The following ATP13A4 variants were observed in gnomAD, a reference collection of about 807,000 sequenced individuals.
ATP13A4 encodes the protein probable cation-transporting ATPase 13A4.
In ATP13A4, 114 loss-of-function variants were observed where a neutral mutation model predicts 142.5. That is an observed-to-expected ratio of 0.80 (90% CI 0.69 to 0.93). The LOEUF is 0.93. ATP13A4 is among the 40% of genes least tolerant of loss of function. ATP13A4 has a pLI of 0.00. For synonymous variants in ATP13A4, 488 were observed against 514.8 expected (o/e 0.95, Z 0.70); for missense variants, 1,392 against 1,454.0 (o/e 0.96, Z 0.69).
At chr3:193,556,482 C>CGT (rs963598450), upstream of ATP13A4, among the ~76,000 whole-genome samples, 20 of 145,732 alleles carry the variant, frequency 1.4e-4, no homozygotes, top group East Asian at 1.9e-3. Context: ...TATATATGTA[C>CGT]GTGTGTGTGT....
intron 7 of ATP13A4, among the ~76,000 whole-genome samples, chr3:193,486,815 C>T (rs1301186207): frequency 2.6e-5 from 4 of 152,024 alleles, no homozygotes; most frequent in Non-Finnish European, 5.9e-5. Context: ...ATCTTTTATG[C>T]ACTTACATGA....
chr3:193,573,299 A>ATATATATGTG (rs1560287348), intron 2 of ATP13A4, among the ~76,000 whole-genome samples: 52 of 78,584 alleles, frequency 6.6e-4, no homozygotes, highest in East Asian at 2.5e-3. Flanking sequence ...ACACATATAT[A>ATATATATGTG]TATATATACA....
At chr3:193,586,360 T>A (rs889048762) in intron 1 of ATP13A4, among the ~76,000 whole-genome samples, 5 of 152,204 alleles carry the variant, frequency 3.3e-5, no homozygotes, top group East Asian at 3.8e-4. Flanking sequence ...AATGATTTTT[T>A]AAAAATTTTA....
chr3:193,489,013 G>A (rs1719795721), intron 7 of ATP13A4, among the ~76,000 whole-genome samples: 1 of 152,148 alleles, frequency 6.6e-6, no homozygotes, highest in South Asian at 2.1e-4. Context: ...GGAAAGTGGG[G>A]AGTTGGGCAA....
intron 2 of ATP13A4, among the ~76,000 whole-genome samples, chr3:193,573,264 TATATATATATAC>T (rs1724310197): frequency 1.8e-5 from 2 of 108,458 alleles, no homozygotes; most frequent in Admixed American, 8.7e-5. Flanking sequence ...CACAGCCATA[TATATATATATAC>T]ATATATATAT....
At position 193,442,399 on chromosome 3, in the gene ATP13A4, C is replaced by T. The variant is rs1254595804; in HGVS notation, c.2310G>A (p.Gly770=). ...LVEEKKHIMY[G]NQDNYINIRD... The stretch of plus-strand genomic sequence containing the variant: ...GGTCTGTGTTCAGGAGTACCTGATT[C>T]CCATACATAATGTGTTTCTTCTCTT... The change falls in exon 19 of 30, where the codon GGG becomes GGA. Residue 770 remains glycine (G), a synonymous_variant. Transcript: ENST00000342695. The T allele has an allele frequency of 6.2e-7, 1 of 1,613,740 alleles. No homozygotes were observed. Among genetic ancestry groups the T allele is most frequent in the South Asian group, 1.1e-5 (1 of 91,052 alleles).
chr3:193,465,378 G>A (rs796507707), intron 11 of ATP13A4, among the ~76,000 whole-genome samples: 9 of 152,272 alleles, frequency 5.9e-5, no homozygotes, highest in African/African-American at 2.2e-4. Flanking sequence ...AGTAGAGACG[G>A]GGTTTTGCCA....
At chr3:193,448,528 G>A (rs2108628928) in intron 17 of ATP13A4, among the ~76,000 whole-genome samples, 198 bp from the exon 18 acceptor site, 1 of 152,236 alleles carries the variant, frequency 6.6e-6, no homozygotes, top group African/African-American at 2.4e-5. Flanking sequence ...TAGATACGGG[G>A]TTTCACCATG....
chr3:193,503,075 T>C (rs894567487), intron 2 of ATP13A4, among the ~76,000 whole-genome samples: 2 of 151,980 alleles, frequency 1.3e-5, no homozygotes, highest in African/African-American at 4.8e-5. Flanking sequence ...TCCAAAAAAA[T>C]GTTAAGTGTC....
intron 2 of ATP13A4, among the ~76,000 whole-genome samples, chr3:193,509,156 TC>T (rs1394285692): frequency 6.6e-6 from 1 of 152,156 alleles, no homozygotes; most frequent in African/African-American, 2.4e-5. Context: ...TGCATCACTC[TC>T]CATGTGCCTG....
intron 1 of ATP13A4, among the ~76,000 whole-genome samples, chr3:193,584,888 A>G: frequency 6.6e-6 from 1 of 152,222 alleles, no homozygotes; most frequent in East Asian, 1.9e-4. Context: ...TGACAAATGG[A>G]TGTGTTCATG....
intron 17 of ATP13A4, among the ~76,000 whole-genome samples, chr3:193,450,513 G>A (rs1266157854): frequency 6.6e-6 from 1 of 152,172 alleles, no homozygotes; most frequent in Non-Finnish European, 1.5e-5. Context: ...GTCCAAATCC[G>A]AGTCCCATGG....
intron 17 of ATP13A4, among the ~76,000 whole-genome samples, chr3:193,452,587 T>TTTTA: frequency 6.7e-6 from 1 of 150,214 alleles, no homozygotes; most frequent in Non-Finnish European, 1.5e-5. Context: ...TTTTTTTTTT[T>TTTTA]TTGCATCTAT....
rs1375729197 is a variant in ATP13A4 at position 193,399,807 on chromosome 3, C to T, written c.*2845G>A. ...CTGGCAGTGAGCCGAGATTGTGCCA[C>T]TGCACTCTAGCCTGGGCAACAGAGT... On this transcript the variant is annotated 3_prime_UTR_variant, in exon 30 of 30. Coordinates refer to ENST00000342695, the MANE Select transcript of ATP13A4 (RefSeq NM_032279.4). Among the ~76,000 whole-genome samples the T allele has an allele frequency of 1.4e-5, 2 of 140,400 alleles. No individual in the cohort carries two copies. Among genetic ancestry groups the T allele is most frequent in the African/African-American group, 5.4e-5 (2 of 36,990 alleles). The allele number at this position is 140,400 out of a possible 152,430, so 92.1% of individuals were successfully genotyped here.
chr3:193,467,622 G>A, intron 9 of ATP13A4, 136 bp from the exon 10 acceptor site: 2 of 841,774 alleles, frequency 2.4e-6, no homozygotes, highest in Non-Finnish European at 4.0e-6. Flanking sequence ...AGGTATTGGG[G>A]ATACAAGCAT....
intron 17 of ATP13A4, among the ~76,000 whole-genome samples, chr3:193,449,857 T>C (rs965819307): frequency 6.6e-6 from 1 of 152,108 alleles, no homozygotes; most frequent in African/African-American, 2.4e-5. Flanking sequence ...TGGTGGCTCA[T>C]GCCTGTAATC....
rs1714297130 is a variant in ATP13A4, at chr3:193,402,448, A to C, written c.*204T>G. On this transcript the variant is annotated 3_prime_UTR_variant, in exon 30 of 30. Coordinates refer to ENST00000342695, the MANE Select transcript of ATP13A4 (RefSeq NM_032279.4). ...ACTGAATGCCTCTAATACCTTCAGA[A>C]GCCAAGAGGAAAGCACTCTTCTGGG... The C allele has an allele frequency of 1.8e-6, 1 of 558,096 alleles. No homozygotes were observed. Among genetic ancestry groups the C allele is most frequent in the Non-Finnish European group, 3.2e-6 (1 of 312,594 alleles). 34.6% of individuals were successfully genotyped at this position (558,096 alleles called of 1,614,324 possible). A position where few individuals can be genotyped will look rare whatever the true frequency, so the allele number is the denominator to read the frequency against.
In ATP13A4 at chr3:193,448,068, C is replaced by T. The variant is rs1184383052; in HGVS notation, c.2152+138G>A. 4.4e-6 allele frequency: 5 copies of T among 1,132,208 alleles called. No individual in the cohort carries two copies. In the East Asian group the frequency reaches 1.3e-4, roughly 29 times the overall value. The allele number at this position is 1,132,208 out of a possible 1,614,324, so 70.1% of individuals were successfully genotyped here. ...AAACTCAGGGAAAGCAGTAAATGTG[C>T]CTTTTTGTTGCCCATCTCCAGCACC... On this transcript the variant is annotated intron_variant, in intron 18 of 29. Coordinates refer to ENST00000342695, the MANE Select transcript of ATP13A4 (RefSeq NM_032279.4).
At chr3:193,445,187 C>T (rs564213915) in intron 18 of ATP13A4, among the ~76,000 whole-genome samples, 5 of 152,236 alleles carry the variant, frequency 3.3e-5, no homozygotes, top group Admixed American at 2.0e-4. Context: ...CCTGTAGTCC[C>T]AGCACTTTGG....
Sources: allele counts gnomAD v4.1 joint callset (sites outside exome capture counted in the v4.1 genomes callset), GRCh38; gene constraint gnomAD v4.1.1; transcripts MANE v1.5; gene names NCBI Gene and HGNC (gene_info 2026-07-23, HGNC 2026-07-21).